The following FOXO1 variants were observed in gnomAD, a reference collection of about 807,000 sequenced individuals.
FOXO1 encodes the protein forkhead box protein O1.
A neutral mutation model predicts 44.1 loss-of-function variants in FOXO1; 6 were observed. That is an observed-to-expected ratio of 0.14 (90% CI 0.07 to 0.27). FOXO1 has a LOEUF of 0.27. FOXO1 is among the 10% of genes least tolerant of loss of function. FOXO1 has a pLI of 1.00. For missense variants in FOXO1, 737 were observed against 888.8 expected, an observed-to-expected ratio of 0.83 and a Z score of 2.17; for synonymous variants, 380 against 362.7, an observed-to-expected ratio of 1.05 and a Z score of -0.54.
Position 40,628,048 on chromosome 13 carries a change from T to C in FOXO1, c.630+37535A>G, listed in dbSNP as rs9577080. ...ACCTACAAATACAGACATATACACA[T>C]GTATACATATATACATACATAAAGG... On this transcript the variant is annotated intron_variant, in intron 1 of 2. Coordinates refer to ENST00000379561, the MANE Select transcript of FOXO1 (RefSeq NM_002015.4). Among the ~76,000 whole-genome samples, 163 of 152,214 alleles carry C rather than the reference T, an allele frequency of 1.1e-3. 4 individuals carry two copies. In the East Asian group the frequency reaches 0.019, roughly 18 times the overall value.
intron 1 of FOXO1, among the ~76,000 whole-genome samples, chr13:40,629,247 A>G (rs1176895306): frequency 6.6e-6 from 1 of 151,634 alleles, no homozygotes. Context: ...GGTTCAAGCT[A>G]TTCTCCTGCC....
chr13:40,563,757 C>T (rs956980856), intron 1 of FOXO1, among the ~76,000 whole-genome samples: 8 of 152,140 alleles, frequency 5.3e-5, no homozygotes, highest in South Asian at 4.1e-4. Context: ...TATGGGAAGG[C>T]GCCACACACA....
Position 40,560,149 on chromosome 13 carries a change from T to C in FOXO1, c.1342A>G (p.Ser448Gly), listed in dbSNP as rs1873934398. ...PIQTLQDNKS[S>G]YGGMSQYNCA... ...TTATACTGACTCATACCTCCATAAC[T>C]CGACTTATTGTCCTGAAGTGTTTGT... Residue 448 changes from serine (S) to glycine (G), a missense_variant, in exon 2 of 3, where the codon AGT becomes GGT. Transcript: ENST00000379561. This position sits in a 1 kb window ranked among gnomAD's most constrained non-coding sequence, Gnocchi z 5.1. The C allele has an allele frequency of 1.9e-6, 3 of 1,614,024 alleles. No homozygotes were observed. Among genetic ancestry groups the C allele is most frequent in the Non-Finnish European group, 2.5e-6 (3 of 1,180,022 alleles).
intron 1 of FOXO1, among the ~76,000 whole-genome samples, chr13:40,636,082 C>T (rs182031532): frequency 2.0e-5 from 3 of 152,098 alleles, no homozygotes; most frequent in Admixed American, 1.3e-4. Flanking sequence ...TGGCATGGTG[C>T]GGTACACCTG....
chr13:40,665,025 C>A (rs990151375), intron 1 of FOXO1, among the ~76,000 whole-genome samples: 2 of 151,936 alleles, frequency 1.3e-5, no homozygotes, highest in Non-Finnish European at 1.5e-5. Flanking sequence ...CGCACCGCCT[C>A]CAGAAACTGC....
At position 40,666,497 on chromosome 13, in the gene FOXO1, C is replaced by A. The variant is rs1449226100; in HGVS notation, c.-285G>T. ...GGGCAGAGCCTGCGCCGCGCTCCAG[C>A]TGACAGGGCCGCGGACGGAAGGACG... is the stretch of plus-strand genomic sequence containing the variant. On this transcript the variant is annotated 5_prime_UTR_variant, in exon 1 of 3. Coordinates refer to ENST00000379561, the MANE Select transcript of FOXO1 (RefSeq NM_002015.4). The A allele has an allele frequency of 3.0e-6, 1 of 329,472 alleles. No homozygotes were observed. 20.4% of individuals were successfully genotyped at this position (329,472 alleles called of 1,614,324 possible).
chr13:40,654,909 C>T (rs1234486672), intron 1 of FOXO1, among the ~76,000 whole-genome samples: 2 of 152,114 alleles, frequency 1.3e-5, no homozygotes, highest in African/African-American at 2.4e-5. Flanking sequence ...CCTCAGGGAA[C>T]CCTCCCTTCA....
At chr13:40,664,235 G>C (rs1053821340) in intron 1 of FOXO1, among the ~76,000 whole-genome samples, 3 of 152,128 alleles carry the variant, frequency 2.0e-5, no homozygotes, top group African/African-American at 4.8e-5. Flanking sequence ...ATCGCGCCAC[G>C]GTACTCCAGC....
chr13:40,617,648 T>C (rs911558298), intron 1 of FOXO1, among the ~76,000 whole-genome samples: 5 of 151,852 alleles, frequency 3.3e-5, no homozygotes, highest in African/African-American at 7.3e-5. Flanking sequence ...CTAACTATAT[T>C]TGGGTGAAGG....
At chr13:40,605,576 C>G (rs1355427994) in intron 1 of FOXO1, among the ~76,000 whole-genome samples, 2 of 152,176 alleles carry the variant, frequency 1.3e-5, no homozygotes, top group African/African-American at 4.8e-5. Context: ...GCTCCTCCCC[C>G]TGAATCTCCT....
At chr13:40,625,044 A>G (rs1272425140) in intron 1 of FOXO1, among the ~76,000 whole-genome samples, 3 of 152,252 alleles carry the variant, frequency 2.0e-5, no homozygotes, top group Non-Finnish European at 4.4e-5. Flanking sequence ...AGTAGAAATG[A>G]AAGTACTTTT....
chr13:40,621,172 A>G (rs1876601236), intron 1 of FOXO1: 3 of 532,698 alleles, frequency 5.6e-6, no homozygotes, highest in Non-Finnish European at 6.9e-6. Context: ...ATTGATAGTG[A>G]ACCAGGTAAA....
At chr13:40,606,130 C>T (rs563665704) in intron 1 of FOXO1, among the ~76,000 whole-genome samples, 2 of 152,194 alleles carry the variant, frequency 1.3e-5, no homozygotes, top group East Asian at 3.9e-4. Flanking sequence ...TAACCTCCAC[C>T]ACTTTAGTGA....
At chr13:40,572,213 C>T (rs778854102) in intron 1 of FOXO1, among the ~76,000 whole-genome samples, 3 of 152,110 alleles carry the variant, frequency 2.0e-5, no homozygotes, top group South Asian at 2.1e-4. Context: ...GCATGTACTA[C>T]GTAGAACTGT....
chr13:40,597,418 T>TA (rs1029982012), intron 1 of FOXO1, among the ~76,000 whole-genome samples: 4 of 152,194 alleles, frequency 2.6e-5, no homozygotes, highest in African/African-American at 9.7e-5. Flanking sequence ...CAGAATCACC[T>TA]ATGTAATTCA....
At chr13:40,589,633 G>T (rs1462769985) in intron 1 of FOXO1, among the ~76,000 whole-genome samples, 1 of 152,206 alleles carries the variant, frequency 6.6e-6, no homozygotes, top group African/African-American at 2.4e-5. Context: ...AATGAATGCT[G>T]CTGCCTCCTA....
chr13:40,644,031 T>C (rs1877436934), intron 1 of FOXO1, among the ~76,000 whole-genome samples: 1 of 152,218 alleles, frequency 6.6e-6, no homozygotes, highest in Admixed American at 6.5e-5. Flanking sequence ...GTTAGGCTCA[T>C]GAGTGCATTA....
chr13:40,651,340 G>A (rs936682905), intron 1 of FOXO1, among the ~76,000 whole-genome samples: 1 of 152,052 alleles, frequency 6.6e-6, no homozygotes, highest in African/African-American at 2.4e-5. Flanking sequence ...GCACCTTAAA[G>A]AAATACCCAG....
At position 40,560,946 on chromosome 13, in the gene FOXO1, T is replaced by C; in HGVS notation, c.631-86A>G. 1 of 1,334,130 alleles carries C rather than the reference T, an allele frequency of 7.5e-7. No individual in the cohort carries two copies. Among genetic ancestry groups the C allele is most frequent in the Non-Finnish European group, 1.0e-6 (1 of 985,056 alleles). The allele number at this position is 1,334,130 out of a possible 1,614,324, so 82.6% of individuals were successfully genotyped here. On this transcript the variant is annotated intron_variant, in intron 1 of 2. Transcript: ENST00000379561. This position sits in a 1 kb window ranked among gnomAD's most constrained non-coding sequence, Gnocchi z 5.1. The stretch of plus-strand genomic sequence containing the variant: ...CTACATGTATTACATGGAAAACAAG[T>C]AAAAAATCTTAAGAGTGTGTGCTAC...
Sources: allele counts gnomAD v4.1 joint callset (sites outside exome capture counted in the v4.1 genomes callset), GRCh38; gene constraint gnomAD v4.1.1; non-coding constraint Gnocchi (gnomAD v3.1); transcripts MANE v1.5; gene names NCBI Gene and HGNC (gene_info 2026-07-23, HGNC 2026-07-21).